The following CGN variants were observed in gnomAD, a reference collection of about 807,000 sequenced individuals.
The protein encoded by CGN is cingulin.
CGN carries 121 observed loss-of-function variants against 157.1 expected under a neutral mutation model. The ratio of observed to expected loss-of-function variants is 0.77; its 90% CI spans 0.66 to 0.90. The LOEUF is 0.90. CGN is among the 40% of genes least tolerant of loss of function. The pLI is 0.00. For missense variants in CGN, 1,424 were observed against 1,520.9 expected, an observed-to-expected ratio of 0.94 and a Z score of 1.06; for synonymous variants, 535 against 607.5, an observed-to-expected ratio of 0.88 and a Z score of 1.76.
intron 1 of CGN, among the ~76,000 whole-genome samples, chr1:151,513,117 T>C (rs369782666): frequency 6.6e-5 from 10 of 152,244 alleles, no homozygotes; most frequent in East Asian, 3.8e-4. Context: ...CCCTGCCCTC[T>C]GTCCTCTCCT....
rs1175934025 is a variant in CGN, at chr1:151,511,893, T to C, written c.-15+378T>C. ...TTCCAGCTGAGTCGGGAACTGCTGCTGCCTGAGGTGCAGACTCGCCAGGGG... is the reference window on the plus strand; with the variant it reads ...TTCCAGCTGAGTCGGGAACTGCTGCCGCCTGAGGTGCAGACTCGCCAGGGG... On this transcript the variant is annotated intron_variant, in intron 1 of 20. Coordinates refer to ENST00000271636, the MANE Select transcript of CGN (RefSeq NM_020770.3). This position sits in a 1 kb window ranked among gnomAD's most constrained non-coding sequence, Gnocchi z 4.8. Among the ~76,000 whole-genome samples the C allele has an allele frequency of 6.6e-6, 1 of 152,156 alleles. No individual in the cohort carries two copies. Among genetic ancestry groups the C allele is most frequent in the Non-Finnish European group, 1.5e-5 (1 of 68,014 alleles).
intron 20 of CGN, 99 bp downstream of exon 20, chr1:151,536,992 A>G: frequency 1.5e-6 from 2 of 1,362,596 alleles, no homozygotes; most frequent in Non-Finnish European, 2.0e-6. Context: ...CTAACATGGT[A>G]CTGTGTAGTC....
intron 1 of CGN, among the ~76,000 whole-genome samples, chr1:151,516,567 A>G (rs1664417363): frequency 7.1e-6 from 1 of 140,238 alleles, no homozygotes; most frequent in Non-Finnish European, 1.5e-5. Flanking sequence ...TTTGAGATAG[A>G]GTTTCACTCT....
Position 151,535,133 on chromosome 1 carries a change from T to C in CGN, c.2994+2T>C. The stretch of plus-strand genomic sequence containing the variant: ...CGGGTGAATCGTGGCCGGGACCAGG[T>C]AACCGCCCCCACCCCTCATCTCTGT... On this transcript the variant is annotated splice_donor_variant, in intron 16 of 20. Coordinates refer to ENST00000271636, the MANE Select transcript of CGN (RefSeq NM_020770.3). LOFTEE classifies it high-confidence loss of function. 1 of 1,611,904 alleles carries C rather than the reference T, an allele frequency of 6.2e-7. No individual in the cohort carries two copies. The highest frequency in any genetic ancestry group is 8.5e-7 in the Non-Finnish European group (1 of 1,178,438).
chr1:151,528,169 CCG>C (rs1664740469), intron 10 of CGN, among the ~76,000 whole-genome samples: 1 of 148,092 alleles, frequency 6.8e-6, no homozygotes, highest in Non-Finnish European at 1.5e-5. Context: ...CAGTGTTTCA[CCG>C]TGAAACATGG....
In CGN at chr1:151,519,330, G is replaced by A. The variant is rs1664488103; in HGVS notation, c.811G>A (p.Asp271Asn). ...SGFSRSRQTQ[D>N]WVLQSFEEPR... ...CTTTAGCCGTTCTCGTCAGACTCAG[G>A]ACTGGGTCCTTCAGAGTTTTGAGGA... Residue 271 changes from aspartate (D) to asparagine (N), a missense_variant, in exon 2 of 21, where the codon GAC becomes AAC. By Grantham distance (23) the Asp-to-Asn change is conservative. Transcript: ENST00000271636. The A allele has an allele frequency of 1.9e-6, 3 of 1,610,468 alleles. No individual in the cohort carries two copies. Among genetic ancestry groups the A allele is most frequent in the African/African-American group, 1.3e-5 (1 of 74,932 alleles).
Position 151,529,542 on chromosome 1 carries a change from T to C in CGN, c.2089T>C (p.Cys697Arg). ...GACCCTCCAGCAACTGCGACAGGACTGTGAAGAGGCTTCCAAGGCAAGGGG... is the reference window on the plus strand; with the variant it reads ...GACCCTCCAGCAACTGCGACAGGACCGTGAAGAGGCTTCCAAGGCAAGGGG... ...QKTLQQLRQD[C>R]EEASKAKMVA... The change falls in exon 11 of 21, where the codon TGT becomes CGT. Residue 697 changes from cysteine to arginine, a missense_variant. By Grantham distance (180) the Cys-to-Arg change is radical. This residue lies in a region of CGN where 1,187 missense variants were observed against 1,217.6 expected (regional missense o/e 0.97). Coordinates refer to ENST00000271636, the MANE Select transcript of CGN (RefSeq NM_020770.3). 1 of 1,613,610 alleles carries C rather than the reference T, an allele frequency of 6.2e-7. No homozygotes were observed. The highest frequency in any genetic ancestry group is 1.1e-5 in the South Asian group (1 of 91,028).
In CGN at chr1:151,535,090, G is replaced by A. The variant is rs759400213; in HGVS notation, c.2953G>A (p.Val985Met). The change falls in exon 16 of 21, where the codon GTG (valine) becomes ATG (methionine). Residue 985 changes from valine to methionine, a missense_variant. Val to Met is a conservative substitution (Grantham distance 21). Coordinates refer to ENST00000271636, the MANE Select transcript of CGN (RefSeq NM_020770.3). The stretch of plus-strand genomic sequence containing the variant: ...AGAGTTAGATGAGGAGAAGAACACC[G>A]TGGAGCTGCTAACAGATCGGGTGAA... ...ETELDEEKNTVELLTDRVNRG... is the reference protein window; with the variant it reads ...ETELDEEKNTMELLTDRVNRG... 20 of 1,614,016 alleles carry A rather than the reference G, an allele frequency of 1.2e-5. 1 individual carries two copies. Among genetic ancestry groups the A allele is most frequent in the South Asian group, 8.8e-5 (8 of 91,080 alleles).
rs1233217171 is a variant in CGN at position 151,535,218 on chromosome 1, C to A, written c.2994+87C>A. On this transcript the variant is annotated intron_variant, in intron 16 of 20. Coordinates refer to ENST00000271636, the MANE Select transcript of CGN (RefSeq NM_020770.3). Reference sequence around the variant, plus strand: ...AAAACAACTCTACCCTCCCATCTTTCATCATCTGGCTGCCGAATCTGTGCG... The same window carrying A: ...AAAACAACTCTACCCTCCCATCTTTAATCATCTGGCTGCCGAATCTGTGCG... The A allele has an allele frequency of 2.2e-5, 22 of 1,010,038 alleles. No homozygotes were observed. In the East Asian group the frequency reaches 3.1e-4, roughly 14 times the overall value. The allele number at this position is 1,010,038 out of a possible 1,614,324, so 62.6% of individuals were successfully genotyped here.
At chr1:151,536,471 C>T (rs1664971291) in intron 19 of CGN, 126 bp downstream of exon 19, 3 of 656,550 alleles carry the variant, frequency 4.6e-6, no homozygotes. Flanking sequence ...TGTATAAGGA[C>T]AGAGATTAGA....
At chr1:151,526,510 G>T (rs973385021) in intron 9 of CGN, among the ~76,000 whole-genome samples, 1 of 151,424 alleles carries the variant, frequency 6.6e-6, no homozygotes, top group African/African-American at 2.4e-5. Context: ...GTCTTGCTCT[G>T]TTGCCCAGGC....
intron 10 of CGN, chr1:151,527,946 ATATATT>A: frequency 2.3e-5 from 3 of 128,802 alleles, no homozygotes; most frequent in East Asian, 5.3e-4. Context: ...ATATATATAT[ATATATT>A]TTTTTTTTTT....
rs1664990994 is a variant in CGN, at chr1:151,537,300, T to C, written c.3566T>C (p.Ile1189Thr). The change falls in exon 21 of 21, where the codon ATT (isoleucine) becomes ACT (threonine). Residue 1189 changes from isoleucine (I) to threonine (T), a missense_variant. By Grantham distance (89) the Ile-to-Thr change is moderately conservative. Coordinates refer to ENST00000271636, the MANE Select transcript of CGN (RefSeq NM_020770.3). ...EFDSVYDPSS[I>T]ASLLTESNLQ... Reference sequence around the variant, plus strand: ...GACAGTGTCTACGATCCCTCGTCCATTGCATCACTGCTTACGGAGAGCAAC... The same window carrying C: ...GACAGTGTCTACGATCCCTCGTCCACTGCATCACTGCTTACGGAGAGCAAC... The C allele has an allele frequency of 1.2e-6, 2 of 1,614,008 alleles. No individual in the cohort carries two copies. The highest frequency in any genetic ancestry group is 1.3e-5 in the African/African-American group (1 of 74,928).
At chr1:151,529,591 G>A in intron 11 of CGN, 32 bp downstream of exon 11, 1 of 1,580,330 alleles carries the variant, frequency 6.3e-7, no homozygotes, top group East Asian at 2.3e-5. Context: ...CTTAGGAGGT[G>A]GAGGCTGAGG....
chr1:151,530,840 C>G, intron 13 of CGN, 94 bp downstream of exon 13: 1 of 1,350,466 alleles, frequency 7.4e-7, no homozygotes, highest in Non-Finnish European at 1.0e-6. Flanking sequence ...AGGGGTTAGT[C>G]AGAATGTGTG....
At chr1:151,522,126 C>T (rs1368032578) in intron 5 of CGN, among the ~76,000 whole-genome samples, 1 of 151,474 alleles carries the variant, frequency 6.6e-6, no homozygotes. Flanking sequence ...AAAAATTAGC[C>T]AGATGTGATG....
At chr1:151,536,978 A>G (rs1664982958) in intron 20 of CGN, 85 bp downstream of exon 20, 2 of 1,433,116 alleles carry the variant, frequency 1.4e-6, no homozygotes, top group Non-Finnish European at 1.9e-6. Flanking sequence ...AAGGAGGAGA[A>G]TCTCTAACAT....
At chr1:151,519,757 C>G (rs979939500) in intron 2 of CGN, among the ~76,000 whole-genome samples, 6 of 152,212 alleles carry the variant, frequency 3.9e-5, no homozygotes, top group African/African-American at 1.2e-4. Context: ...CAAAATTCCA[C>G]ACCTTTCTCT....
rs1174474392 is a variant in CGN, at chr1:151,535,689, G to C, written c.3078+6G>C. The C allele has an allele frequency of 6.2e-7, 1 of 1,613,148 alleles. No homozygotes were observed. Among genetic ancestry groups the C allele is most frequent in the South Asian group, 1.1e-5 (1 of 91,060 alleles). The stretch of plus-strand genomic sequence containing the variant: ...AAATCTCCTTGGAGAGACAGGTGAT[G>C]GGGGAGGGGAGGATTCTTAGGGATG... On this transcript the variant is annotated splice_donor_region_variant and intron_variant, in intron 17 of 20. Coordinates refer to ENST00000271636, the MANE Select transcript of CGN (RefSeq NM_020770.3).
Sources: allele counts gnomAD v4.1 joint callset (sites outside exome capture counted in the v4.1 genomes callset), GRCh38; gene constraint gnomAD v4.1.1; regional missense constraint gnomAD v4.1.1; non-coding constraint Gnocchi (gnomAD v3.1); transcripts MANE v1.5; gene names NCBI Gene and HGNC (gene_info 2026-07-23, HGNC 2026-07-21).